GOLM2: variants seen among roughly 807,000 people sequenced by gnomAD.
GOLM2 encodes the protein golgi membrane protein 2, also known as protein GOLM2.
Under a neutral mutation model 55.9 loss-of-function variants are expected in GOLM2, and 26 were observed. That is an observed-to-expected ratio of 0.47 (90% CI 0.34 to 0.65). The LOEUF (loss-of-function observed/expected upper bound fraction) is 0.65, where lower values mean the gene tolerates loss of function less well. GOLM2 is among the 30% of genes least tolerant of loss of function. The pLI is 0.01. For synonymous variants in GOLM2, 165 were observed against 194.6 expected, an observed-to-expected ratio of 0.85 and a Z score of 1.27; for missense variants, 486 against 531.8, an observed-to-expected ratio of 0.91 and a Z score of 0.85.
rs931501690 is a variant in GOLM2 at position 44,379,783 on chromosome 15, C to T, written c.896C>T (p.Pro299Leu). 1.9e-6 allele frequency: 3 copies of T among 1,593,522 alleles called. No homozygotes were observed. The highest frequency in any genetic ancestry group is 1.3e-5 in the African/African-American group (1 of 74,456). Residue 299 changes from proline (P) to leucine (L), a missense_variant, in exon 7 of 10, where the codon CCT becomes CTT. Physicochemically the swap from Pro to Leu is moderately conservative, Grantham distance 98. Coordinates refer to ENST00000299957, the MANE Select transcript of GOLM2 (RefSeq NM_138423.4). ...GGACAACCTCTCTCCCCAAATATGC[C>T]TCCAGGTATGAAGGCTTATGCTTAT... ...PTGQPLSPNMPPDSHINHNGN... is the reference protein window; with the variant it reads ...PTGQPLSPNMLPDSHINHNGN...
chr15:44,387,476 T>G (rs1409933984), intron 8 of GOLM2: 1 of 152,116 alleles, frequency 6.6e-6, no homozygotes, highest in Non-Finnish European at 1.5e-5. Context: ...ATATGACTGA[T>G]TTTTGGCCTG....
chr15:44,325,901 A>T (rs1258381510), intron 2 of GOLM2, among the ~76,000 whole-genome samples: 1 of 152,170 alleles, frequency 6.6e-6, no homozygotes, highest in Non-Finnish European at 1.5e-5. Flanking sequence ...GCCACCACAG[A>T]TCCATCACTT....
chr15:44,403,765 C>T (rs1471755153), intron 9 of GOLM2, among the ~76,000 whole-genome samples: 1 of 152,032 alleles, frequency 6.6e-6, no homozygotes, highest in East Asian at 1.9e-4. Context: ...GTAGCTTTTT[C>T]GTTATAAGGA....
chr15:44,304,422 A>G (rs1351447540), intron 1 of GOLM2, among the ~76,000 whole-genome samples: 5 of 150,022 alleles, frequency 3.3e-5, no homozygotes, highest in Admixed American at 3.3e-4. Context: ...TTGTACTTTT[A>G]GTAGAGACAG....
rs905284331 is a variant in GOLM2 at position 44,289,495 on chromosome 15, T to A, written c.327+139T>A. The A allele has an allele frequency of 1.3e-6, 1 of 767,650 alleles. No individual in the cohort carries two copies. Among genetic ancestry groups the A allele is most frequent in the African/African-American group, 1.8e-5 (1 of 57,048 alleles). 47.6% of individuals were successfully genotyped at this position (767,650 alleles called of 1,614,324 possible). Reference sequence around the variant, plus strand: ...AGGCTCCTTTCACCCCCAACAACCCTGTTTCTGTCAGACTTTTCCCAGTTT... The same window carrying A: ...AGGCTCCTTTCACCCCCAACAACCCAGTTTCTGTCAGACTTTTCCCAGTTT... On this transcript the variant is annotated intron_variant, in intron 1 of 9. Transcript: ENST00000299957. This position sits in a 1 kb window ranked among gnomAD's most constrained non-coding sequence, Gnocchi z 4.8.
intron 1 of GOLM2, among the ~76,000 whole-genome samples, chr15:44,321,323 T>C (rs532306496): frequency 1.3e-5 from 2 of 151,984 alleles, no homozygotes; most frequent in Admixed American, 6.5e-5. Context: ...AATAAAAAAA[T>C]TAACCTGGCA....
chr15:44,394,887 A>T (rs1220183161), intron 8 of GOLM2, among the ~76,000 whole-genome samples: 1 of 152,244 alleles, frequency 6.6e-6, no homozygotes, highest in Non-Finnish European at 1.5e-5. Context: ...TGAAGGCTAG[A>T]AAAAAGAGGC....
intron 2 of GOLM2, among the ~76,000 whole-genome samples, chr15:44,323,828 G>C (rs947442507): frequency 6.6e-6 from 1 of 152,004 alleles, no homozygotes; most frequent in Non-Finnish European, 1.5e-5. Context: ...TTGTCCTCTC[G>C]AAGTAGCCAA....
intron 6 of GOLM2, among the ~76,000 whole-genome samples, chr15:44,344,258 CAA>C (rs560961568): frequency 2.5e-4 from 22 of 87,026 alleles, no homozygotes; most frequent in South Asian, 3.4e-4. Context: ...GACCCTGTCT[CAA>C]AAAAAAAAAA....
chr15:44,343,219 G>T (rs2079100327), intron 6 of GOLM2, among the ~76,000 whole-genome samples: 1 of 151,490 alleles, frequency 6.6e-6, no homozygotes, highest in African/African-American at 2.4e-5. Context: ...TGTAATCCCA[G>T]CTACTCGGGA....
At chr15:44,405,663 C>G (rs1481565371) in intron 9 of GOLM2, among the ~76,000 whole-genome samples, 1 of 151,974 alleles carries the variant, frequency 6.6e-6, no homozygotes, top group East Asian at 1.9e-4. Flanking sequence ...CTGTCTCACC[C>G]AGGCTAGAGT....
chr15:44,314,270 C>T (rs972379752), intron 1 of GOLM2, among the ~76,000 whole-genome samples: 1 of 150,344 alleles, frequency 6.7e-6, no homozygotes, highest in African/African-American at 2.4e-5. Context: ...GAAAATGTAA[C>T]TGGGTAGGCC....
chr15:44,401,534 A>T (rs1877186246), intron 8 of GOLM2, among the ~76,000 whole-genome samples: 1 of 152,092 alleles, frequency 6.6e-6, no homozygotes, highest in Non-Finnish European at 1.5e-5. Flanking sequence ...TGACAGGCAT[A>T]TGCCACTGCA....
chr15:44,366,614 A>G (rs1159614129), intron 6 of GOLM2, among the ~76,000 whole-genome samples: 1 of 152,212 alleles, frequency 6.6e-6, no homozygotes, highest in Non-Finnish European at 1.5e-5. Context: ...AACTTGGTCA[A>G]CAGAACGCGA....
intron 1 of GOLM2, among the ~76,000 whole-genome samples, chr15:44,296,378 A>G (rs1182639476): frequency 1.3e-5 from 2 of 152,184 alleles, no homozygotes; most frequent in Non-Finnish European, 2.9e-5. Flanking sequence ...CACACACATC[A>G]GTTTTGAGGT....
chr15:44,345,166 A>G (rs1027971023), intron 6 of GOLM2, among the ~76,000 whole-genome samples: 2 of 149,492 alleles, frequency 1.3e-5, no homozygotes, highest in African/African-American at 2.5e-5. Context: ...CTGGAGTGCA[A>G]TGGTGCGATC....
intron 8 of GOLM2, among the ~76,000 whole-genome samples, chr15:44,383,473 G>C (rs1320065574): frequency 6.6e-6 from 1 of 151,772 alleles, no homozygotes; most frequent in Non-Finnish European, 1.5e-5. Flanking sequence ...GATTTTTATC[G>C]TTTTTATAAG....
intron 2 of GOLM2, among the ~76,000 whole-genome samples, chr15:44,325,908 A>G (rs2078977579): frequency 6.6e-6 from 1 of 152,158 alleles, no homozygotes; most frequent in Admixed American, 6.5e-5. Flanking sequence ...CAGATCCATC[A>G]CTTTTATTTG....
At chr15:44,365,589 C>T (rs1187150634) in intron 6 of GOLM2, among the ~76,000 whole-genome samples, 1 of 152,012 alleles carries the variant, frequency 6.6e-6, no homozygotes, top group Non-Finnish European at 1.5e-5. Flanking sequence ...GAAAAGGCTA[C>T]ATACTGTATA....
Sources: gnomAD v4.1 joint callset for allele counts (sites outside exome capture counted in the v4.1 genomes callset) on GRCh38, gnomAD v4.1.1 for gene constraint, Gnocchi (gnomAD v3.1) non-coding constraint, MANE v1.5 for transcripts, NCBI Gene and HGNC (gene_info 2026-07-23, HGNC 2026-07-21) for gene names.